Variants in CUL4A observed in about 807,000 individuals in gnomAD.
CUL4A encodes the protein cullin 4A.
In CUL4A, 16 loss-of-function variants were observed where a neutral mutation model predicts 95.5. The ratio of observed to expected loss-of-function variants is 0.17; its 90% CI spans 0.11 to 0.25. The LOEUF (loss-of-function observed/expected upper bound fraction) is 0.25. CUL4A is among the 10% of genes least tolerant of loss of function. The pLI is 1.00. For missense variants in CUL4A, 610 were observed against 937.0 expected, an observed-to-expected ratio of 0.65 and a Z score of 4.56; for synonymous variants, 380 against 353.1, an observed-to-expected ratio of 1.08 and a Z score of -0.85.
chr13:113,233,613 G>C (rs1280900606), intron 6 of CUL4A, among the ~76,000 whole-genome samples: 2 of 151,956 alleles, frequency 1.3e-5, no homozygotes, highest in Non-Finnish European at 2.9e-5. Flanking sequence ...TATAAACAGA[G>C]ACAAAGCCAG....
At position 113,209,738 on chromosome 13, in the gene CUL4A, G is replaced by C. The variant is rs2040281227; in HGVS notation, c.111G>C (p.Ala37=). 8.6e-7 allele frequency: 1 copy of C among 1,168,778 alleles called. No individual in the cohort carries two copies. The highest frequency in any genetic ancestry group is 4.7e-5 in the Admixed American group (1 of 21,430). 72.4% of individuals were successfully genotyped at this position (1,168,778 alleles called of 1,614,324 possible). ...LAAAPAKPGG[A]GGSKKLVIKN... The stretch of plus-strand genomic sequence containing the variant: ...CCGCGCCCGCCAAGCCGGGGGGCGC[G>C]GGCGGCTCCAAGAAGCTGGTCATCA... The change falls in exon 1 of 20, where the codon GCG becomes GCC. Residue 37 remains alanine, a synonymous_variant. Transcript: ENST00000375440.
At chr13:113,224,767 C>A (rs187457276) in intron 3 of CUL4A, among the ~76,000 whole-genome samples, 27 of 152,328 alleles carry the variant, frequency 1.8e-4, no homozygotes, top group Admixed American at 1.6e-3. Context: ...TCTTTATTGA[C>A]CATATTTTCC....
chr13:113,233,481 G>GATTC (rs1477505624), intron 6 of CUL4A, 142 bp downstream of exon 6: 20 of 775,246 alleles, frequency 2.6e-5, no homozygotes, highest in Middle Eastern at 3.8e-4. Flanking sequence ...CCCTAGAAGG[G>GATTC]GAATAGCGCT....
chr13:113,246,341 G>A (rs774164674), intron 15 of CUL4A, among the ~76,000 whole-genome samples: 4 of 152,154 alleles, frequency 2.6e-5, no homozygotes, highest in Admixed American at 6.5e-5. Context: ...ATTAAGCTGC[G>A]GTTCTTGTCT....
At chr13:113,231,297 G>A (rs779865440) in intron 5 of CUL4A, among the ~76,000 whole-genome samples, 18 of 152,222 alleles carry the variant, frequency 1.2e-4, no homozygotes, top group Non-Finnish European at 2.4e-4. Context: ...GGCTGAGGGT[G>A]AACCTTGGCC....
chr13:113,265,804 A>G lies in CUL4A; in HGVS notation c.*2222A>G, dbSNP rs994635362. 4 of 152,256 alleles carry G rather than the reference A, an allele frequency of 2.6e-5. No individual in the cohort carries two copies. Among genetic ancestry groups the G allele is most frequent in the Admixed American group, 1.3e-4 (2 of 15,288 alleles). The allele number at this position is 152,256 out of a possible 1,614,324, so 9.4% of individuals were successfully genotyped here. A position where few individuals can be genotyped will look rare whatever the true frequency, so the allele number is the denominator to read the frequency against. On this transcript the variant is annotated 3_prime_UTR_variant, in exon 20 of 20. Coordinates refer to ENST00000375440, the MANE Select transcript of CUL4A (RefSeq NM_001008895.4). The stretch of plus-strand genomic sequence containing the variant: ...TGGTAAAACAAATAGTATAGAAGAA[A>G]TCATTGAAAAAGAAACAGCACTTAG...
chr13:113,262,021 G>A (rs959737536), intron 19 of CUL4A, among the ~76,000 whole-genome samples: 17 of 152,228 alleles, frequency 1.1e-4, no homozygotes, highest in South Asian at 4.1e-4. Context: ...CTCGTGATCC[G>A]CCTGCCTCAA....
intron 3 of CUL4A, among the ~76,000 whole-genome samples, chr13:113,223,476 A>T (rs533604857): frequency 6.6e-6 from 1 of 152,262 alleles, no homozygotes; most frequent in South Asian, 2.1e-4. Flanking sequence ...GCTCACCGCA[A>T]CAACCTCCAC....
At chr13:113,211,372 T>A (rs1407462219) in intron 2 of CUL4A, among the ~76,000 whole-genome samples, 1 of 152,130 alleles carries the variant, frequency 6.6e-6, no homozygotes, top group African/African-American at 2.4e-5. Flanking sequence ...TGGGTGTCCA[T>A]GTTTGGGGTT....
Position 113,259,969 on chromosome 13 carries a change from G to T in CUL4A, c.2032-638G>T, listed in dbSNP as rs557856292. Among the ~76,000 whole-genome samples the T allele has an allele frequency of 5.3e-4, 81 of 151,576 alleles. 1 individual carries two copies. The highest frequency in any genetic ancestry group is 2.0e-3 in the African/African-American group (81 of 41,342). On this transcript the variant is annotated intron_variant, in intron 18 of 19. Coordinates refer to ENST00000375440, the MANE Select transcript of CUL4A (RefSeq NM_001008895.4). ...GCCTGTAATCCCAGCACTTTGGGAGGCCGAGCCAGGTGGATCACGAGGTCA... is the reference window on the plus strand; with the variant it reads ...GCCTGTAATCCCAGCACTTTGGGAGTCCGAGCCAGGTGGATCACGAGGTCA...
At chr13:113,245,372 A>T (rs2041829437) in intron 14 of CUL4A, 135 bp downstream of exon 14, 1 of 764,502 alleles carries the variant, frequency 1.3e-6, no homozygotes, top group East Asian at 2.7e-5. Context: ...AACTACCCTG[A>T]TCAACATAGC....
intron 5 of CUL4A, chr13:113,230,352 A>G (rs989561550): frequency 1.3e-5 from 2 of 152,366 alleles, no homozygotes; most frequent in African/African-American, 4.8e-5. Context: ...GTGACCTGCC[A>G]GTTACCAAAT....
intron 18 of CUL4A, among the ~76,000 whole-genome samples, chr13:113,256,035 T>G (rs2042111610): frequency 6.6e-6 from 1 of 152,178 alleles, no homozygotes; most frequent in Non-Finnish European, 1.5e-5. Flanking sequence ...GTAAACTTTT[T>G]TTTTAGTGGG....
intron 8 of CUL4A, among the ~76,000 whole-genome samples, chr13:113,235,402 G>T (rs933998551): frequency 2.6e-5 from 4 of 152,164 alleles, no homozygotes; most frequent in African/African-American, 7.2e-5. Flanking sequence ...TTTTGAGACG[G>T]TCTATTTATG....
intron 2 of CUL4A, among the ~76,000 whole-genome samples, chr13:113,216,270 A>G (rs925038854): frequency 6.6e-6 from 1 of 152,228 alleles, no homozygotes; most frequent in African/African-American, 2.4e-5. Flanking sequence ...ATCTGAGAGC[A>G]GGGATTGCCC....
chr13:113,229,082 G>A (rs574438263), intron 4 of CUL4A, among the ~76,000 whole-genome samples: 9 of 152,132 alleles, frequency 5.9e-5, no homozygotes, highest in Admixed American at 1.3e-4. Flanking sequence ...TCACGCCACC[G>A]CACTCCAGCC....
At chr13:113,262,786 C>T (rs2042317166) in intron 19 of CUL4A, 1 of 152,336 alleles carries the variant, frequency 6.6e-6, no homozygotes, top group Non-Finnish European at 1.5e-5. Context: ...CTCACTTATA[C>T]GTGCCCTTGC....
At chr13:113,253,577 T>TAAAAAAAAC (rs1555306023) in intron 16 of CUL4A, among the ~76,000 whole-genome samples, 3 of 151,862 alleles carry the variant, frequency 2.0e-5, no homozygotes, top group Non-Finnish European at 1.5e-5. Flanking sequence ...AAAAAAAAAT[T>TAAAAAAAAC]AAAAAAAACA....
intron 2 of CUL4A, among the ~76,000 whole-genome samples, chr13:113,217,652 T>A (rs193296485): frequency 6.6e-6 from 1 of 152,240 alleles, no homozygotes; most frequent in Non-Finnish European, 1.5e-5. Context: ...AATAGCTTTA[T>A]AACTTTAATT....
Sources: gnomAD v4.1 joint callset for allele counts (sites outside exome capture counted in the v4.1 genomes callset) on GRCh38, gnomAD v4.1.1 for gene constraint, MANE v1.5 for transcripts, NCBI Gene and HGNC (gene_info 2026-07-23, HGNC 2026-07-21) for gene names.